The following ARHGAP15 variants were observed in gnomAD, a reference collection of about 807,000 sequenced individuals.
ARHGAP15 encodes the protein rho GTPase-activating protein 15.
In ARHGAP15, 51 loss-of-function variants were observed where a neutral mutation model predicts 63.7. The observed-to-expected ratio is 0.80, with a 90% CI of 0.64 to 1.01. ARHGAP15 has a LOEUF of 1.01. Ranked by LOEUF, ARHGAP15 falls within the 50% of genes least tolerant of loss-of-function variation. The probability of loss-of-function intolerance (pLI) is 0.00; values close to 1 mark genes in which losing one functional copy is unlikely to be tolerated. For missense variants in ARHGAP15, 560 were observed against 564.6 expected, an observed-to-expected ratio of 0.99 and a Z score of 0.08; for synonymous variants, 191 against 193.8, an observed-to-expected ratio of 0.99 and a Z score of 0.12.
chr2:143,528,014 A>G (rs1474016033), intron 10 of ARHGAP15, among the ~76,000 whole-genome samples: 3 of 152,108 alleles, frequency 2.0e-5, no homozygotes, highest in African/African-American at 7.2e-5. Flanking sequence ...CTATCAATAC[A>G]CAGCTATGCT....
chr2:143,199,637 G>A (rs1483150902), intron 2 of ARHGAP15, among the ~76,000 whole-genome samples: 1 of 151,980 alleles, frequency 6.6e-6, no homozygotes, highest in Non-Finnish European at 1.5e-5. Context: ...CCAGGGAGTG[G>A]CTGGCATTGT....
At chr2:143,520,735 A>G (rs1018021659) in intron 10 of ARHGAP15, among the ~76,000 whole-genome samples, 2 of 152,204 alleles carry the variant, frequency 1.3e-5, no homozygotes, top group African/African-American at 4.8e-5. Context: ...ATTATTTCCA[A>G]TAACTAAATT....
intron 11 of ARHGAP15, among the ~76,000 whole-genome samples, chr2:143,604,253 T>C (rs767712208): frequency 2.2e-4 from 34 of 152,196 alleles, no homozygotes; most frequent in Non-Finnish European, 4.1e-4. Context: ...GGTTATAATA[T>C]AGGGTTTTAT....
intron 8 of ARHGAP15, among the ~76,000 whole-genome samples, chr2:143,455,828 T>C (rs1050621126): frequency 6.6e-6 from 1 of 151,972 alleles, no homozygotes; most frequent in Non-Finnish European, 1.5e-5. Context: ...AGGAAAAAAG[T>C]TTAATAAATC....
At chr2:143,718,227 A>AT (rs948042265) in intron 13 of ARHGAP15, among the ~76,000 whole-genome samples, 94 of 152,184 alleles carry the variant, frequency 6.2e-4, no homozygotes, top group Non-Finnish European at 9.7e-4. Context: ...CATAAATAAT[A>AT]TTTTGTCTGT....
intron 2 of ARHGAP15, among the ~76,000 whole-genome samples, chr2:143,161,686 G>A (rs79640649): frequency 1.3e-5 from 2 of 151,956 alleles, no homozygotes; most frequent in Non-Finnish European, 2.9e-5. Flanking sequence ...CTATATGAGG[G>A]GGAAATGAAC....
intron 11 of ARHGAP15, among the ~76,000 whole-genome samples, chr2:143,580,674 TA>T (rs1193478110): frequency 6.6e-6 from 1 of 152,138 alleles, no homozygotes; most frequent in East Asian, 1.9e-4. Context: ...TTAAAATATT[TA>T]ATATTTTAAT....
At chr2:143,759,302 C>T (rs896137207) in intron 13 of ARHGAP15, among the ~76,000 whole-genome samples, 1 of 152,104 alleles carries the variant, frequency 6.6e-6, no homozygotes, top group East Asian at 1.9e-4. Context: ...ATTTATCTCA[C>T]TTATACCACG....
intron 6 of ARHGAP15, 107 bp from the exon 7 acceptor site, chr2:143,435,494 C>A: frequency 7.5e-7 from 1 of 1,340,206 alleles, no homozygotes; most frequent in Non-Finnish European, 9.6e-7. Flanking sequence ...GAAAATATTT[C>A]ATTTTATTAA....
intron 12 of ARHGAP15, among the ~76,000 whole-genome samples, chr2:143,654,604 G>C (rs1681336792): frequency 6.6e-6 from 1 of 152,132 alleles, no homozygotes; most frequent in African/African-American, 2.4e-5. Context: ...CAGTCATTCT[G>C]AGAATAGATA....
rs4662210 is a variant in ARHGAP15, at chr2:143,624,634, G to A, written c.1138+367G>A. On this transcript the variant is annotated intron_variant, in intron 12 of 13. Transcript: ENST00000295095. ...TTGCAATGAGTTTGAATACAAAGCG[G>A]TCTCGAAAAGGATCCTAAGTGAATT... Among the ~76,000 whole-genome samples, 189 of 152,208 alleles carry A rather than the reference G, an allele frequency of 1.2e-3. 2 individuals are homozygous for A. Among genetic ancestry groups the A allele is most frequent in the Admixed American group, 0.01 (156 of 15,282 alleles).
intron 6 of ARHGAP15, among the ~76,000 whole-genome samples, chr2:143,424,504 T>G (rs984494791): frequency 6.6e-6 from 1 of 152,068 alleles, no homozygotes; most frequent in Non-Finnish European, 1.5e-5. Flanking sequence ...AGGGAAAAGA[T>G]TCCACAGAGA....
At chr2:143,597,291 T>C (rs553474634) in intron 11 of ARHGAP15, among the ~76,000 whole-genome samples, 79 of 152,242 alleles carry the variant, frequency 5.2e-4, no homozygotes, top group African/African-American at 1.8e-3. Context: ...AAAATTTGTA[T>C]TTTATAAGAG....
At chr2:143,344,554 G>T (rs1252713437) in intron 6 of ARHGAP15, among the ~76,000 whole-genome samples, 2 of 152,046 alleles carry the variant, frequency 1.3e-5, no homozygotes, top group African/African-American at 4.8e-5. Flanking sequence ...TGTGAAAAAA[G>T]AATTCATTTG....
At chr2:143,621,088 C>T (rs1012440780) in intron 11 of ARHGAP15, among the ~76,000 whole-genome samples, 7 of 152,086 alleles carry the variant, frequency 4.6e-5, no homozygotes, top group African/African-American at 1.7e-4. Context: ...TGGGGAGATA[C>T]GTGGCAATCT....
At chr2:143,256,164 G>A (rs745391797) in intron 6 of ARHGAP15, among the ~76,000 whole-genome samples, 1 of 152,106 alleles carries the variant, frequency 6.6e-6, no homozygotes, top group Non-Finnish European at 1.5e-5. Context: ...TTGTTTGAGA[G>A]CAACTACAAA....
At chr2:143,388,958 A>G (rs1165891644) in intron 6 of ARHGAP15, among the ~76,000 whole-genome samples, 1 of 151,760 alleles carries the variant, frequency 6.6e-6, no homozygotes, top group Non-Finnish European at 1.5e-5. Context: ...TTTTTTTTTA[A>G]TTTGGTAAAC....
chr2:143,420,352 A>C (rs1688866118), intron 6 of ARHGAP15, among the ~76,000 whole-genome samples: 1 of 152,170 alleles, frequency 6.6e-6, no homozygotes, highest in African/African-American at 2.4e-5. Flanking sequence ...AGCACCTTGA[A>C]TTGTAGTCTT....
rs185857180 is a variant in ARHGAP15, at chr2:143,249,899, A to G, written c.385-612A>G. Among the ~76,000 whole-genome samples the G allele has an allele frequency of 8.0e-4, 122 of 152,224 alleles. 1 individual carries two copies. In the East Asian group the frequency reaches 0.016, roughly 20 times the overall value. The stretch of plus-strand genomic sequence containing the variant: ...TTGTGTGTATAGTCTTAAAGTCTGA[A>G]AAGTGAATTTCTAAAAGGCATAGTT... On this transcript the variant is annotated intron_variant, in intron 5 of 13. Coordinates refer to ENST00000295095, the MANE Select transcript of ARHGAP15 (RefSeq NM_018460.4).
Sources: allele counts gnomAD v4.1 joint callset (sites outside exome capture counted in the v4.1 genomes callset), GRCh38; gene constraint gnomAD v4.1.1; transcripts MANE v1.5; gene names NCBI Gene and HGNC (gene_info 2026-07-23, HGNC 2026-07-21).